The following PCDHGA11 variants were observed in gnomAD, a reference collection of about 807,000 sequenced individuals.
PCDHGA11 encodes protocadherin gamma subfamily A, 11, also known as protocadherin gamma-A11.
Under a neutral mutation model 60.4 loss-of-function variants are expected in PCDHGA11, and 39 were observed. That is an observed-to-expected ratio of 0.65 (90% CI 0.50 to 0.84). The LOEUF (loss-of-function observed/expected upper bound fraction) is 0.84. PCDHGA11 is among the 40% of genes least tolerant of loss of function. PCDHGA11 has a pLI of 0.00. For missense variants in PCDHGA11, 1,165 were observed against 1,197.7 expected (o/e 0.97, Z 0.40); for synonymous variants, 533 against 510.3 (o/e 1.04, Z -0.60).
chr5:141,468,681 A>G (rs1415798588), intron 1 of PCDHGA11: 1 of 151,830 alleles, frequency 6.6e-6, no homozygotes, highest in African/African-American at 2.4e-5. Flanking sequence ...CCTGGCTAAC[A>G]CGGTGAAACC....
intron 2 of PCDHGA11, among the ~76,000 whole-genome samples, chr5:141,500,189 TTTATTTATTTA>T (rs1562193895): frequency 9.9e-5 from 11 of 110,956 alleles, no homozygotes; most frequent in Middle Eastern, 4.3e-3. Flanking sequence ...TTTATTTTTA[TTTATTTATTTA>T]TTTATTTATT....
intron 2 of PCDHGA11, 91 bp from the exon 3 acceptor site, chr5:141,505,302 G>T: frequency 6.3e-7 from 1 of 1,592,714 alleles, no homozygotes; most frequent in Non-Finnish European, 8.5e-7. Context: ...TAGGGTTAGG[G>T]TACTAGGTTT....
chr5:141,425,576 G>A (rs2096883993), intron 1 of PCDHGA11, among the ~76,000 whole-genome samples: 1 of 152,166 alleles, frequency 6.6e-6, no homozygotes, highest in Non-Finnish European at 1.5e-5. Flanking sequence ...GAAGGGTTTG[G>A]CTAACTTTAT....
In PCDHGA11 at chr5:141,512,267, G is replaced by C. The variant is rs2099884152; in HGVS notation, c.*1094G>C. On this transcript the variant is annotated 3_prime_UTR_variant, in exon 4 of 4. Coordinates refer to ENST00000398587, the MANE Select transcript of PCDHGA11 (RefSeq NM_018914.3). ...GCCTCTGTGGGTGCTGGGTACTCCA[G>C]AGGTGCCACTGGTGGAAGGGTCAGC... 2.6e-5 allele frequency: 4 copies of C among 152,744 alleles called. No homozygotes were observed. Among genetic ancestry groups the C allele is most frequent in the Admixed American group, 2.6e-4 (4 of 15,290 alleles). 9.5% of individuals were successfully genotyped at this position (152,744 alleles called of 1,614,324 possible). A position where few individuals can be genotyped will look rare whatever the true frequency, so the allele number is the denominator to read the frequency against.
At chr5:141,456,175 A>G (rs2154565434) in intron 1 of PCDHGA11, among the ~76,000 whole-genome samples, 1 of 151,840 alleles carries the variant, frequency 6.6e-6, no homozygotes, top group East Asian at 1.9e-4. Context: ...GGGATTACAG[A>G]ATAATTTCTT....
At chr5:141,500,789 C>G (rs1006758925) in intron 2 of PCDHGA11, among the ~76,000 whole-genome samples, 2 of 152,142 alleles carry the variant, frequency 1.3e-5, no homozygotes, top group African/African-American at 4.8e-5. Flanking sequence ...TATTATTTTA[C>G]AGAATAAGTC....
chr5:141,501,288 T>TATACACATAC (rs201660636), intron 2 of PCDHGA11, among the ~76,000 whole-genome samples: 2 of 81,228 alleles, frequency 2.5e-5, no homozygotes, highest in African/African-American at 9.9e-5. Flanking sequence ...GATATTCCCT[T>TATACACATAC]ATACACACAC....
rs779651957 is a variant in PCDHGA11, at chr5:141,431,167, T to G, written c.2433+7507T>G. 2 of 1,614,118 alleles carry G rather than the reference T, an allele frequency of 1.2e-6. No individual in the cohort carries two copies. Among genetic ancestry groups the G allele is most frequent in the Non-Finnish European group, 1.7e-6 (2 of 1,180,014 alleles). The stretch of plus-strand genomic sequence containing the variant: ...ACAATGCGCCTTACTTTCGTGAAAG[T>G]GAATTAGAAATAAAAATTAGTGAAA... On this transcript the variant is annotated intron_variant, in intron 1 of 3. Transcript: ENST00000398587. The surrounding 1 kb of genome is among the most constrained non-coding windows in gnomAD (Gnocchi z 4.8).
intron 1 of PCDHGA11, among the ~76,000 whole-genome samples, chr5:141,451,579 A>T (rs1222576609): frequency 6.6e-6 from 1 of 152,084 alleles, no homozygotes; most frequent in African/African-American, 2.4e-5. Flanking sequence ...TTATAAACCT[A>T]ATTTTGAAAG....
intron 1 of PCDHGA11, among the ~76,000 whole-genome samples, chr5:141,458,596 G>A (rs907922436): frequency 1.8e-4 from 27 of 151,842 alleles, no homozygotes; most frequent in African/African-American, 5.8e-4. Flanking sequence ...TTGGAGACGA[G>A]TCTCACTCTG....
At chr5:141,495,544 T>C (rs971374249) in intron 2 of PCDHGA11, among the ~76,000 whole-genome samples, 5 of 152,220 alleles carry the variant, frequency 3.3e-5, no homozygotes, top group African/African-American at 7.2e-5. Context: ...CCTCAGTCTC[T>C]ATCTCGCTTT....
In PCDHGA11 at chr5:141,423,189, T is replaced by A. The variant is rs2096719374; in HGVS notation, c.1962T>A (p.Pro654=). 2 of 1,613,562 alleles carry A rather than the reference T, an allele frequency of 1.2e-6. No individual in the cohort carries two copies. The highest frequency in any genetic ancestry group is 8.5e-7 in the Non-Finnish European group (1 of 1,179,954). Residue 654 remains proline, a synonymous_variant, in exon 1 of 4, where the codon CCT becomes CCA. Transcript: ENST00000398587. ...CCGTCCAGGACCACGGCCAGCCCCC[T>A]CTCTCGGCCACCGTCACGCTCACCG... ...VVAVQDHGQP[P]LSATVTLTVA...
chr5:141,421,312 GC>G lies in PCDHGA11; in HGVS notation c.87del (p.Arg30GlyfsTer49). 6.2e-7 allele frequency: 1 copy of G among 1,613,748 alleles called. No homozygotes were observed. The highest frequency in any genetic ancestry group is 8.5e-7 in the Non-Finnish European group (1 of 1,179,878). On this transcript the variant is annotated frameshift_variant, in exon 1 of 4. Transcript: ENST00000398587. LOFTEE classifies it high-confidence loss of function. ...CCTGGGGACGCTGCGGGGGTTCCGG[GC>G]CAGGCAGATCCGATATTCGGTGCCA... ...IFLGTLRGFR[A>X]RQIRYSVPEE... is the part of the protein sequence containing the mutation.
Position 141,489,555 on chromosome 5 carries a change from A to G in PCDHGA11, c.2434-5252A>G, listed in dbSNP as rs909307566. ...GAGCCAGCACCAGCTGCCTGCTGCC[A>G]GTGCAGGTGGTGACTGAACACCCCC... is the stretch of plus-strand genomic sequence containing the variant. On this transcript the variant is annotated intron_variant, in intron 1 of 3. Transcript: ENST00000398587. The surrounding 1 kb of genome is among the most constrained non-coding windows in gnomAD (Gnocchi z 4.5). 2.5e-6 allele frequency: 4 copies of G among 1,613,998 alleles called. No homozygotes were observed. The African/African-American group carries it at 5.3e-5, about 22-fold the overall frequency.
At position 141,477,591 on chromosome 5, in the gene PCDHGA11, T is replaced by C; in HGVS notation, c.2434-17216T>C. On this transcript the variant is annotated intron_variant, in intron 1 of 3. Coordinates refer to ENST00000398587, the MANE Select transcript of PCDHGA11 (RefSeq NM_018914.3). This position sits in a 1 kb window ranked among gnomAD's most constrained non-coding sequence, Gnocchi z 4.9. Reference sequence around the variant, plus strand: ...CCCGACGCCCCGCAGAATGCTCGGCTTTCTTTCTTTCTCTTGGAGCAAGGA... The same window carrying C: ...CCCGACGCCCCGCAGAATGCTCGGCCTTCTTTCTTTCTCTTGGAGCAAGGA... The C allele has an allele frequency of 6.2e-7, 1 of 1,614,136 alleles. No homozygotes were observed. The highest frequency in any genetic ancestry group is 8.5e-7 in the Non-Finnish European group (1 of 1,180,016).
At chr5:141,495,102 C>A (rs1344771035) in intron 2 of PCDHGA11, among the ~76,000 whole-genome samples, 3 of 152,160 alleles carry the variant, frequency 2.0e-5, no homozygotes, top group Non-Finnish European at 4.4e-5. Flanking sequence ...CTCGCCACGA[C>A]CGGCACCTTT....
Position 141,421,426 on chromosome 5 carries a change from A to G in PCDHGA11, c.199A>G (p.Ile67Val). ...PRELAKRGVR[I>V]VSRGKTQLFA... ...GGAGCTGGCGAAGCGCGGAGTCCGCATCGTCTCCAGAGGGAAGACACAGCT... is the reference window on the plus strand; with the variant it reads ...GGAGCTGGCGAAGCGCGGAGTCCGCGTCGTCTCCAGAGGGAAGACACAGCT... The change falls in exon 1 of 4, where the codon ATC becomes GTC. Residue 67 changes from isoleucine to valine, a missense_variant. Coordinates refer to ENST00000398587, the MANE Select transcript of PCDHGA11 (RefSeq NM_018914.3). 2 of 1,614,104 alleles carry G rather than the reference A, an allele frequency of 1.2e-6. No individual in the cohort carries two copies. Among genetic ancestry groups the G allele is most frequent in the South Asian group, 1.1e-5 (1 of 91,090 alleles).
At chr5:141,505,302 G>A (rs1733345360) in intron 2 of PCDHGA11, 91 bp from the exon 3 acceptor site, 1 of 1,592,596 alleles carries the variant, frequency 6.3e-7, no homozygotes, top group Admixed American at 1.7e-5. Flanking sequence ...TAGGGTTAGG[G>A]TACTAGGTTT....
Position 141,422,987 on chromosome 5 carries a change from A to AG in PCDHGA11, c.1760_1761insG (p.Tyr587Ter). ...GCGCCCCGCTCTGCGGAACCTGGCT[A>AG]CCTGGTGACCAAGGTGGTTGCGGTG... ...ELAPRSAEPG[Y>*]LVTKVVAVDK... is the part of the protein sequence containing the mutation. Residue 587 changes from tyrosine to a stop codon, truncating the protein, a stop_gained and frameshift_variant, in exon 1 of 4, where the codon TAC becomes TAGC. Transcript: ENST00000398587. LOFTEE classifies it high-confidence loss of function. 1 of 1,614,168 alleles carries AG rather than the reference A, an allele frequency of 6.2e-7. No homozygotes were observed.
Sources: allele counts gnomAD v4.1 joint callset (sites outside exome capture counted in the v4.1 genomes callset), GRCh38; gene constraint gnomAD v4.1.1; non-coding constraint Gnocchi (gnomAD v3.1); transcripts MANE v1.5; gene names NCBI Gene and HGNC (gene_info 2026-07-23, HGNC 2026-07-21).